FCHO1: variants seen among roughly 807,000 people sequenced by gnomAD.
FCHO1 encodes F-BAR domain only protein 1.
Under a neutral mutation model 114.4 loss-of-function variants are expected in FCHO1, and 45 were observed. The ratio of observed to expected loss-of-function variants is 0.39; its 90% confidence interval spans 0.31 to 0.50. The LOEUF (loss-of-function observed/expected upper bound fraction) is 0.50, where lower values mean the gene tolerates loss of function less well. Ranked by LOEUF, FCHO1 falls within the 20% of genes least tolerant of loss-of-function variation. FCHO1 has a pLI of 0.77. For missense variants in FCHO1, 1,042 were observed against 1,209.6 expected, an observed-to-expected ratio of 0.86 and a Z score of 2.06; for synonymous variants, 480 against 488.9, an observed-to-expected ratio of 0.98 and a Z score of 0.24.
intron 7 of FCHO1, among the ~76,000 whole-genome samples, chr19:17,767,074 G>GT (rs71162196): frequency 0.89 from 123,685 of 138,782 alleles, 55,383 homozygotes; most frequent in Middle Eastern, 0.97. Flanking sequence ...GCTAAGAAGG[G>GT]TTTTTTTTTT....
At chr19:17,787,538 C>T in intron 27 of FCHO1, 144 bp from the exon 28 acceptor site, 1 of 906,694 alleles carries the variant, frequency 1.1e-6, no homozygotes, top group Non-Finnish European at 1.6e-6. Flanking sequence ...CCAGGAGAGA[C>T]AGATGCAGGG....
chr19:17,765,531 G>A (rs2088585766), intron 6 of FCHO1, among the ~76,000 whole-genome samples: 1 of 151,846 alleles, frequency 6.6e-6, no homozygotes, highest in Non-Finnish European at 1.5e-5. Context: ...AAATTAGCCG[G>A]GCATGGTGGC....
Position 17,761,755 on chromosome 19 carries a change from C to T in FCHO1, c.28-1007C>T, listed in dbSNP as rs557416514. The stretch of plus-strand genomic sequence containing the variant: ...GGCTCACTGCAACCTCTGCCTCCCA[C>T]GTTCAAGCAATTCTCCTGCCTCGGC... On this transcript the variant is annotated intron_variant, in intron 4 of 28. Transcript: ENST00000596536. 8.8e-4 allele frequency among the ~76,000 whole-genome samples: 132 copies of T among 150,486 alleles called. 5 individuals carry two copies. The highest frequency in any genetic ancestry group is 3.5e-4 in the Non-Finnish European group (24 of 67,636).
At position 17,772,716 on chromosome 19, in the gene FCHO1, T is replaced by C. The variant is rs1599690452; in HGVS notation, c.765T>C (p.Ser255=). 3 of 1,613,652 alleles carry C rather than the reference T, an allele frequency of 1.9e-6. No homozygotes were observed. The highest frequency in any genetic ancestry group is 2.5e-6 in the Non-Finnish European group (3 of 1,179,896). Residue 255 remains serine (S), a synonymous_variant, in exon 11 of 29, where the codon AGT becomes AGC. Coordinates refer to ENST00000596536, the MANE Select transcript of FCHO1 (RefSeq NM_015122.3). ...TGCTACTCAGGAAGTTTGCAGAGAG[T>C]AAGGGCACAGGCCGGGAGAAGCCTG... The part of the protein sequence containing the change: ...VEMLLRKFAE[S]KGTGREKPGP...
intron 20 of FCHO1, among the ~76,000 whole-genome samples, chr19:17,779,219 A>G (rs2093055094): frequency 6.6e-6 from 1 of 152,246 alleles, no homozygotes; most frequent in East Asian, 1.9e-4. Context: ...GCCTGTCTGA[A>G]GAACAGCAAG....
chr19:17,760,069 G>C (rs916325783), intron 4 of FCHO1, among the ~76,000 whole-genome samples: 10 of 150,806 alleles, frequency 6.6e-5, no homozygotes, highest in Admixed American at 6.6e-4. Context: ...TTTTGCATTG[G>C]GGGACAGAGT....
chr19:17,763,836 T>C (rs2087533351), intron 5 of FCHO1, among the ~76,000 whole-genome samples: 1 of 152,008 alleles, frequency 6.6e-6, no homozygotes, highest in South Asian at 2.1e-4. Flanking sequence ...GTGCTGGGAT[T>C]ACAGGCATGA....
At chr19:17,757,616 A>G (rs2084146824) in intron 4 of FCHO1, among the ~76,000 whole-genome samples, 1 of 152,144 alleles carries the variant, frequency 6.6e-6, no homozygotes, top group African/African-American at 2.4e-5. Context: ...AATTCCAAAC[A>G]CAAGAAGAGA....
chr19:17,762,942 G>A, intron 5 of FCHO1, 89 bp downstream of exon 5: 1 of 888,446 alleles, frequency 1.1e-6, no homozygotes, highest in Non-Finnish European at 1.8e-6. Context: ...ATGGTCAGGG[G>A]CTAGAACCCT....
chr19:17,764,092 T>G (rs1013598396), intron 5 of FCHO1, among the ~76,000 whole-genome samples: 3 of 150,794 alleles, frequency 2.0e-5, no homozygotes, highest in Non-Finnish European at 1.5e-5. Context: ...CAAGCTGGAG[T>G]GCAGTGGCAC....
rs1428927092 is a variant in FCHO1 at position 17,784,521 on chromosome 19, G to T, written c.2227-204G>T. ...CGGAACCTTACACTTGAACTTCCCTGGGAGACTTTGTTAGAATGAGGCGCT... is the reference window on the plus strand; with the variant it reads ...CGGAACCTTACACTTGAACTTCCCTTGGAGACTTTGTTAGAATGAGGCGCT... On this transcript the variant is annotated intron_variant, in intron 25 of 28. Transcript: ENST00000596536. This position sits in a 1 kb window ranked among gnomAD's most constrained non-coding sequence, Gnocchi z 5.3. Among the ~76,000 whole-genome samples the T allele has an allele frequency of 2.0e-5, 3 of 152,130 alleles. No individual in the cohort carries two copies. The highest frequency in any genetic ancestry group is 1.3e-4 in the Admixed American group (2 of 15,276).
chr19:17,774,717 G>T (rs2092372386), intron 13 of FCHO1: 2 of 589,806 alleles, frequency 3.4e-6, no homozygotes, highest in Admixed American at 6.0e-5. Flanking sequence ...GGAATTGCCT[G>T]TCCCAGAGTA....
intron 4 of FCHO1, among the ~76,000 whole-genome samples, chr19:17,760,115 G>A (rs111483995): frequency 6.6e-6 from 1 of 150,872 alleles, no homozygotes; most frequent in South Asian, 2.1e-4. Context: ...GCAATGGCAC[G>A]ATCTCAGCTC....
chr19:17,767,395 C>CA (rs3083683), intron 7 of FCHO1, among the ~76,000 whole-genome samples: 15 of 130,738 alleles, frequency 1.1e-4, no homozygotes, highest in South Asian at 5.0e-4. Flanking sequence ...CCATCTTTAC[C>CA]AAAAAAAAAA....
upstream of FCHO1, among the ~76,000 whole-genome samples, chr19:17,750,409 A>G (rs1175416304): frequency 1.3e-5 from 2 of 152,214 alleles, no homozygotes; most frequent in African/African-American, 4.8e-5. Flanking sequence ...ATTTTTGTGT[A>G]TAATATTAAT....
intron 1 of FCHO1, 38 bp from the exon 2 acceptor site, chr19:17,754,279 G>T (rs1056270859): frequency 1.3e-5 from 2 of 152,320 alleles, no homozygotes; most frequent in African/African-American, 4.8e-5. Context: ...GGGGCTCCCC[G>T]GCAAGATCCC....
intron 7 of FCHO1, among the ~76,000 whole-genome samples, chr19:17,769,955 G>A (rs1055611078): frequency 6.6e-6 from 1 of 152,010 alleles, no homozygotes; most frequent in Non-Finnish European, 1.5e-5. Flanking sequence ...CTTGAGTGTA[G>A]GAGTTTGAGA....
chr19:17,781,384 G>A (rs2287852), intron 21 of FCHO1, 41 bp downstream of exon 21: 1 of 1,610,284 alleles, frequency 6.2e-7, no homozygotes, highest in African/African-American at 1.3e-5. Context: ...TGGGGGTCGC[G>A]TCTGGGGTCC....
intron 5 of FCHO1, among the ~76,000 whole-genome samples, chr19:17,763,076 G>A (rs2087015045): frequency 6.6e-6 from 1 of 152,014 alleles, no homozygotes; most frequent in Non-Finnish European, 1.5e-5. Context: ...CTCAAAAGAG[G>A]ATGATATAAC....
Sources: allele counts gnomAD v4.1 joint callset (sites outside exome capture counted in the v4.1 genomes callset), GRCh38; gene constraint gnomAD v4.1.1; non-coding constraint Gnocchi (gnomAD v3.1); transcripts MANE v1.5; gene names NCBI Gene and HGNC (gene_info 2026-07-23, HGNC 2026-07-21).